TNFSF14: variants seen among roughly 807,000 people sequenced by gnomAD.
TNFSF14 encodes the protein tumor necrosis factor ligand superfamily member 14.
TNFSF14 carries 15 observed loss-of-function variants against 22.7 expected under a neutral mutation model. That is an observed-to-expected ratio of 0.66 (90% CI 0.44 to 1.02). The LOEUF is 1.02. Ranked by LOEUF, TNFSF14 falls within the 50% of genes least tolerant of loss-of-function variation. TNFSF14 has a pLI of 0.00. For missense variants in TNFSF14, 287 were observed against 326.2 expected (o/e 0.88, Z 0.93); for synonymous variants, 133 against 139.6 (o/e 0.95, Z 0.33).
chr19:6,665,391 C>G (rs1425232657), intron 3 of TNFSF14, 41 bp from the exon 4 acceptor site: 6 of 1,483,440 alleles, frequency 4.0e-6, no homozygotes, highest in Non-Finnish European at 5.4e-6. Flanking sequence ...CCGGTCAGCA[C>G]ATGTCTTCCT....
At chr19:6,667,011 T>C in intron 3 of TNFSF14, 102 bp downstream of exon 3, 2 of 1,301,018 alleles carry the variant, frequency 1.5e-6, no homozygotes, top group Non-Finnish European at 2.1e-6. Flanking sequence ...TGTGAGTAAA[T>C]AAGCAATGAA....
In TNFSF14 at chr19:6,665,057, A is replaced by C. The variant is rs1234124278; in HGVS notation, c.592T>G (p.Trp198Gly). Residue 198 changes from tryptophan (W) to glycine (G), a missense_variant, in exon 4 of 4, where the codon TGG (tryptophan) becomes GGG (glycine). Transcript: ENST00000675206. ...GRATSSSRVW[W>G]DSSFLGGVVH... ...ACACCACCCAGGAAGCTGCTGTCCC[A>C]CCAGACCCGGGAGCTGCTGGTGGCC... 4 of 1,613,968 alleles carry C rather than the reference A, an allele frequency of 2.5e-6. No homozygotes were observed. Among genetic ancestry groups the C allele is most frequent in the Non-Finnish European group, 3.4e-6 (4 of 1,179,966 alleles).
chr19:6,668,645 T>A (rs542254767), intron 1 of TNFSF14, among the ~76,000 whole-genome samples: 1 of 151,764 alleles, frequency 6.6e-6, no homozygotes, highest in South Asian at 2.1e-4. Flanking sequence ...GGAGGTGGGG[T>A]TGTAGTGAGC....
At chr19:6,670,359 C>T (rs1484169685), upstream of TNFSF14, 1 of 1,065,800 alleles carries the variant, frequency 9.4e-7, no homozygotes, top group Non-Finnish European at 1.2e-6. Flanking sequence ...CCCCAGCTTT[C>T]CCTTCTTGGA....
chr19:6,666,881 G>A (rs557799566), intron 3 of TNFSF14, among the ~76,000 whole-genome samples: 1 of 151,258 alleles, frequency 6.6e-6, no homozygotes, highest in Non-Finnish European at 1.5e-5. Context: ...CTGGGCAACA[G>A]AGTGAGACTG....
At chr19:6,670,165 A>G, upstream of TNFSF14, 1 of 1,525,136 alleles carries the variant, frequency 6.6e-7, no homozygotes, top group East Asian at 2.4e-5. Context: ...CACGCTGCGG[A>G]CAGGCACCCG....
rs1233912509 is a variant in TNFSF14 at position 6,664,131 on chromosome 19, G to T, written c.*795C>A. On this transcript the variant is annotated 3_prime_UTR_variant, in exon 4 of 4. Coordinates refer to ENST00000675206, the MANE Select transcript of TNFSF14 (RefSeq NM_001376887.1). The surrounding 1 kb of genome is among the most constrained non-coding windows in gnomAD (Gnocchi z 4.7). ...TGTGGGTGGGATCTGAGTATGTGGG[G>T]TGGGGCTGGGCTCTTCATGATGAGT... The T allele has an allele frequency of 6.6e-6, 1 of 152,206 alleles. No individual in the cohort carries two copies. Among genetic ancestry groups the T allele is most frequent in the Non-Finnish European group, 1.5e-5 (1 of 68,084 alleles). The allele number at this position is 152,206 out of a possible 1,614,324, so 9.4% of individuals were successfully genotyped here.
In TNFSF14 at chr19:6,667,062, C is replaced by T. The variant is rs376209799; in HGVS notation, c.298+51G>A. The T allele has an allele frequency of 2.1e-4, 336 of 1,604,320 alleles. 1 individual carries two copies. In the South Asian group the frequency reaches 2.1e-3, roughly 10 times the overall value. ...ATATGTATGGCGTTTATCTGGTCTT[C>T]CCGAGACGCCCTGACCCCTGCCCCT... On this transcript the variant is annotated intron_variant, in intron 3 of 3. Transcript: ENST00000675206.
At chr19:6,668,652 G>T (rs1917498857) in intron 1 of TNFSF14, among the ~76,000 whole-genome samples, 1 of 151,982 alleles carries the variant, frequency 6.6e-6, no homozygotes, top group African/African-American at 2.4e-5. Flanking sequence ...GGGTTGTAGT[G>T]AGCCAAGACT....
chr19:6,666,744 C>A (rs982480651), intron 3 of TNFSF14, among the ~76,000 whole-genome samples: 1 of 151,772 alleles, frequency 6.6e-6, no homozygotes, highest in African/African-American at 2.4e-5. Flanking sequence ...AAAAATACAA[C>A]AAAATTAACC....
In TNFSF14 at chr19:6,670,142, C is replaced by T. The variant is rs1917563868; in HGVS notation, c.-73G>A. The stretch of plus-strand genomic sequence containing the variant: ...CAGAGGAAACCGAAATTGCTCAACA[C>T]TCCTGGGCTGTGCACGCTGCGGACA... On this transcript the variant is annotated 5_prime_UTR_variant, in exon 1 of 4. The change creates a new upstream start codon in the 5' untranslated region. Transcript: ENST00000675206. 7 of 1,576,268 alleles carry T rather than the reference C, an allele frequency of 4.4e-6. No individual in the cohort carries two copies. In the South Asian group the frequency reaches 8.0e-5, roughly 18 times the overall value.
At chr19:6,667,667 G>A (rs889621431) in intron 1 of TNFSF14, among the ~76,000 whole-genome samples, 10 of 152,158 alleles carry the variant, frequency 6.6e-5, no homozygotes, top group Admixed American at 2.6e-4. Flanking sequence ...ATGGAGTTAC[G>A]AATCGTGTCT....
Position 6,670,050 on chromosome 19 carries a change from C to T in TNFSF14, c.20G>A (p.Arg7Gln), listed in dbSNP as rs1917558123. The stretch of plus-strand genomic sequence containing the variant: ...TCCATCCACCACAAACACTGAGGGC[C>T]GTACGACACTCTCCTCCATGCCCAA... Reference protein sequence around the residue: MEESVVRPSVFVVDGQT... With the variant: MEESVVQPSVFVVDGQT... Residue 7 changes from arginine (R) to glutamine (Q), a missense_variant, in exon 1 of 4, where the codon CGG (arginine) becomes CAG (glutamine). Arg to Gln is a conservative substitution (Grantham distance 43). Coordinates refer to ENST00000675206, the MANE Select transcript of TNFSF14 (RefSeq NM_001376887.1). The T allele has an allele frequency of 2.5e-6, 4 of 1,614,160 alleles. No homozygotes were observed. The highest frequency in any genetic ancestry group is 2.5e-6 in the Non-Finnish European group (3 of 1,180,004).
At chr19:6,668,586 A>C (rs996080604) in intron 1 of TNFSF14, among the ~76,000 whole-genome samples, 4 of 152,016 alleles carry the variant, frequency 2.6e-5, no homozygotes, top group Non-Finnish European at 5.9e-5. Context: ...GATGCCTGTG[A>C]TCCCAGCTAC....
At position 6,665,386 on chromosome 19, in the gene TNFSF14, C is replaced by T. The variant is rs200957911; in HGVS notation, c.299-36G>A. The T allele has an allele frequency of 1.0e-5, 15 of 1,489,410 alleles. No homozygotes were observed. The African/African-American group carries it at 1.3e-4, about 12-fold the overall frequency. The allele number at this position is 1,489,410 out of a possible 1,614,324, so 92.3% of individuals were successfully genotyped here. ...GAGAGAGACAAAGGGGGCTGCCGGT[C>T]AGCACATGTCTTCCTCTGTTGCTTG... On this transcript the variant is annotated intron_variant, in intron 3 of 3. Transcript: ENST00000675206.
At position 6,670,022 on chromosome 19, in the gene TNFSF14, CTGT is replaced by C; in HGVS notation, c.45_47del (p.Gln16del). 6.2e-7 allele frequency: 1 copy of C among 1,614,202 alleles called. No homozygotes were observed. The highest frequency in any genetic ancestry group is 8.5e-7 in the Non-Finnish European group (1 of 1,180,030). On this transcript the variant is annotated inframe_deletion, in exon 1 of 4. Transcript: ENST00000675206. ...CCAGCCTCGTGAATGGGATGTCGGT[CTGT>C]CCATCCACCACAAACACTGAGGGCC...
rs1319249550 is a variant in TNFSF14, at chr19:6,668,806, G to T, written c.219+1045C>A. Among the ~76,000 whole-genome samples the T allele has an allele frequency of 2.0e-5, 3 of 152,368 alleles. No homozygotes were observed. The East Asian group carries it at 5.8e-4, about 29-fold the overall frequency. On this transcript the variant is annotated intron_variant, in intron 1 of 3. Transcript: ENST00000675206. ...AGGGCACAGACCTCAACATCATCAT[G>T]ACGCTGAGAAGACACATGTGGGCTC...
At position 6,665,198 on chromosome 19, in the gene TNFSF14, C is replaced by G. The variant is rs773398031; in HGVS notation, c.451G>C (p.Gly151Arg). 7 of 1,613,968 alleles carry G rather than the reference C, an allele frequency of 4.3e-6. No individual in the cohort carries two copies. The highest frequency in any genetic ancestry group is 1.7e-5 in the Admixed American group (1 of 59,984). ...GCCAGGCCCAGCGGGCAGCCCACAC[C>G]GCCCAGCTGCACCTTGGAGTAGATG... ...YYIYSKVQLG[G>R]VGCPLGLAST... is the part of the protein sequence containing the mutation. The change falls in exon 4 of 4, where the codon GGT becomes CGT. Residue 151 changes from glycine to arginine, a missense_variant. Transcript: ENST00000675206.
In TNFSF14 at chr19:6,667,106, C is replaced by T. The variant is rs1475468695; in HGVS notation, c.298+7G>A. 3 of 1,608,960 alleles carry T rather than the reference C, an allele frequency of 1.9e-6. No homozygotes were observed. The highest frequency in any genetic ancestry group is 1.7e-4 in the Middle Eastern group (1 of 6,042). On this transcript the variant is annotated splice_region_variant and intron_variant, in intron 3 of 3. Transcript: ENST00000675206. The stretch of plus-strand genomic sequence containing the variant: ...TGCCCCTTGCCAGGATCCAGGGTCC[C>T]TCTCACCTGTGAGATGCGCTGCTGG...
Sources: allele counts gnomAD v4.1 joint callset (sites outside exome capture counted in the v4.1 genomes callset), GRCh38; gene constraint gnomAD v4.1.1; non-coding constraint Gnocchi (gnomAD v3.1); transcripts MANE v1.5; gene names NCBI Gene and HGNC (gene_info 2026-07-23, HGNC 2026-07-21).